The following DACH2 variants were observed in gnomAD, a reference collection of about 807,000 sequenced individuals.
DACH2 encodes dachshund homolog 2.
In DACH2, 17 loss-of-function variants were observed where a neutral mutation model predicts 35.8. That is an observed-to-expected ratio of 0.48 (90% CI 0.33 to 0.71). DACH2 has a LOEUF of 0.71. Ranked by LOEUF, DACH2 falls within the 30% of genes least tolerant of loss-of-function variation. The probability of loss-of-function intolerance (pLI) is 0.02; values close to 1 mark genes in which losing one functional copy is unlikely to be tolerated. For missense variants in DACH2, 469 were observed against 472.7 expected, an observed-to-expected ratio of 0.99 and a Z score of 0.07; for synonymous variants, 195 against 177.3, an observed-to-expected ratio of 1.10 and a Z score of -0.79.
intron 4 of DACH2, among the ~76,000 whole-genome samples, chrX:86,652,685 C>G (rs749640562): frequency 8.9e-6 from 1 of 112,148 alleles, no homozygotes; most frequent in East Asian, 2.8e-4. Context: ...ATTTGCATTT[C>G]TCTAATAATC....
intron 1 of DACH2, among the ~76,000 whole-genome samples, chrX:86,249,999 T>C (rs2033366239): frequency 1.8e-5 from 2 of 110,412 alleles, no homozygotes. Context: ...AAGCTAAACA[T>C]CAAATACATA....
At chrX:86,372,456 T>C (rs1420318894) in intron 1 of DACH2, among the ~76,000 whole-genome samples, 2 of 110,466 alleles carry the variant, frequency 1.8e-5, no homozygotes, top group Admixed American at 9.8e-5. Context: ...CCTGGGACCT[T>C]GGAAATAACA....
intron 1 of DACH2, among the ~76,000 whole-genome samples, chrX:86,171,272 C>G (rs1173894448): frequency 9.0e-6 from 1 of 110,963 alleles, no homozygotes; most frequent in Non-Finnish European, 1.9e-5. Flanking sequence ...CTCTCAGAAC[C>G]AGGAGCCATG....
chrX:86,682,958 AT>A (rs2040899229), intron 4 of DACH2, among the ~76,000 whole-genome samples: 1 of 111,015 alleles, frequency 9.0e-6, no homozygotes, highest in African/African-American at 3.3e-5. Context: ...TTCTCTTTGT[AT>A]TTTTATTTCA....
At chrX:86,656,857 G>GTGTATATA (rs1333268452) in intron 4 of DACH2, among the ~76,000 whole-genome samples, 246 of 66,738 alleles carry the variant, frequency 3.7e-3, no homozygotes, top group African/African-American at 8.1e-3. Flanking sequence ...GTGTGTGTGT[G>GTGTATATA]TATATATATA....
At chrX:86,714,992 C>G (rs1299750461) in intron 6 of DACH2, among the ~76,000 whole-genome samples, 1 of 111,717 alleles carries the variant, frequency 9.0e-6, no homozygotes, top group Admixed American at 9.6e-5. Flanking sequence ...AGACTAATGA[C>G]AGAGTAGAAG....
intron 7 of DACH2, among the ~76,000 whole-genome samples, chrX:86,761,368 A>T (rs2041880451): frequency 2.7e-5 from 3 of 111,988 alleles, no homozygotes; most frequent in African/African-American, 9.8e-5. Flanking sequence ...TACAAAGGAC[A>T]TGAACTCATT....
intron 3 of DACH2, among the ~76,000 whole-genome samples, chrX:86,587,822 G>T (rs995033377): frequency 5.4e-5 from 6 of 111,500 alleles, no homozygotes; most frequent in African/African-American, 2.0e-4. Context: ...CTGTGCATTG[G>T]CTGTTTACTT....
intron 1 of DACH2, among the ~76,000 whole-genome samples, chrX:86,323,462 G>T (rs775090742): frequency 8.9e-6 from 1 of 112,171 alleles, no homozygotes; most frequent in African/African-American, 3.2e-5. Context: ...TGCATGCCTG[G>T]TTGCTAAGCC....
At chrX:86,576,767 A>G (rs185189619) in intron 3 of DACH2, among the ~76,000 whole-genome samples, 3 of 111,164 alleles carry the variant, frequency 2.7e-5, no homozygotes, top group Admixed American at 1.9e-4. Flanking sequence ...GAAGAGATCA[A>G]TGCCTCCCTT....
intron 1 of DACH2, among the ~76,000 whole-genome samples, chrX:86,240,744 TG>T (rs1200422922): frequency 9.0e-6 from 1 of 110,769 alleles, no homozygotes; most frequent in Non-Finnish European, 1.9e-5. Context: ...AGGGACCAAG[TG>T]GGAGGTGATT....
rs552594550 is a variant in DACH2 at position 86,740,823 on chromosome X, T to C, written c.1240+941T>C. On this transcript the variant is annotated intron_variant, in intron 7 of 11. Transcript: ENST00000373125. ...GAAATGAAATATTATGTGAAAAAAGTGCCAAGGAAGTGTGGGCAATAAAAA... is the reference window on the plus strand; with the variant it reads ...GAAATGAAATATTATGTGAAAAAAGCGCCAAGGAAGTGTGGGCAATAAAAA... Among the ~76,000 whole-genome samples, 5 of 110,476 alleles carry C rather than the reference T, an allele frequency of 4.5e-5. No homozygotes were observed. The East Asian group carries it at 1.2e-3, about 26-fold the overall frequency.
chrX:86,365,280 G>A (rs2035790741), intron 1 of DACH2, among the ~76,000 whole-genome samples: 1 of 110,060 alleles, frequency 9.1e-6, no homozygotes, highest in African/African-American at 3.3e-5. Context: ...TCCACCAAGG[G>A]GAAATTATTC....
chrX:86,575,278 G>A (rs937975085), intron 3 of DACH2, among the ~76,000 whole-genome samples: 4 of 110,893 alleles, frequency 3.6e-5, no homozygotes, highest in East Asian at 2.9e-4. Flanking sequence ...CCAAAAAATC[G>A]ATCTGGCTTT....
chrX:86,536,126 C>A (rs1444645455), intron 3 of DACH2, among the ~76,000 whole-genome samples: 3 of 110,620 alleles, frequency 2.7e-5, no homozygotes, highest in African/African-American at 9.9e-5. Flanking sequence ...AAGCTTACAG[C>A]AAAATTTTTG....
chrX:86,802,595 G>A (rs1262720485), intron 7 of DACH2, among the ~76,000 whole-genome samples: 1 of 104,346 alleles, frequency 9.6e-6, no homozygotes, highest in Non-Finnish European at 1.9e-5. Flanking sequence ...TGAGAAATCC[G>A]CTTTGCAGCC....
At chrX:86,544,554 G>A (rs1215871802) in intron 3 of DACH2, among the ~76,000 whole-genome samples, 1 of 111,142 alleles carries the variant, frequency 9.0e-6, no homozygotes, top group Non-Finnish European at 1.9e-5. Context: ...AGCTTCATAA[G>A]TGAAGGAGAA....
At chrX:86,299,918 T>C (rs1407180891) in intron 1 of DACH2, among the ~76,000 whole-genome samples, 1 of 111,792 alleles carries the variant, frequency 8.9e-6, no homozygotes, top group Non-Finnish European at 1.9e-5. Context: ...TTTTTATTGG[T>C]ACATGATATT....
chrX:86,446,466 C>T, intron 2 of DACH2, among the ~76,000 whole-genome samples: 1 of 54,978 alleles, frequency 1.8e-5, no homozygotes, highest in East Asian at 6.3e-4. Flanking sequence ...CATCACAGTC[C>T]CCAGAGTGTG....
Sources: allele counts gnomAD v4.1 joint callset (sites outside exome capture counted in the v4.1 genomes callset), GRCh38; gene constraint gnomAD v4.1.1; transcripts MANE v1.5; gene names NCBI Gene and HGNC (gene_info 2026-07-23, HGNC 2026-07-21).